The following MAPK14 variants were observed in gnomAD, a reference collection of about 807,000 sequenced individuals.
The protein encoded by MAPK14 is mitogen-activated protein kinase 14.
Under a neutral mutation model 49.6 loss-of-function variants are expected in MAPK14, and 16 were observed. The observed-to-expected ratio is 0.32, with a 90% CI of 0.22 to 0.49. The LOEUF is 0.49. Among genes scored for constraint, MAPK14 ranks in the 20% least tolerant of loss-of-function variants. The probability of loss-of-function intolerance (pLI) is 0.99; values close to 1 mark genes in which losing one functional copy is unlikely to be tolerated. For missense variants in MAPK14, 200 were observed against 441.2 expected, an observed-to-expected ratio of 0.45 and a Z score of 4.90; for synonymous variants, 142 against 158.0, an observed-to-expected ratio of 0.90 and a Z score of 0.76.
intron 1 of MAPK14, among the ~76,000 whole-genome samples, chr6:36,045,272 T>G (rs761639286): frequency 1.1e-3 from 165 of 152,362 alleles, no homozygotes; most frequent in Non-Finnish European, 1.0e-3. Flanking sequence ...TATTATATTC[T>G]TTTAAAGATG....
chr6:36,112,450 A>G (rs1361597016), downstream of MAPK14, among the ~76,000 whole-genome samples: 1 of 152,246 alleles, frequency 6.6e-6, no homozygotes, highest in African/African-American at 2.4e-5. Context: ...AAATGGAACA[A>G]AATGACAAAA....
intron 8 of MAPK14, chr6:36,092,139 G>T (rs1765259776): frequency 1.9e-6 from 1 of 521,528 alleles, no homozygotes; most frequent in South Asian, 1.4e-5. Flanking sequence ...GTAACGAAAT[G>T]ACTTCCACAA....
intron 3 of MAPK14, among the ~76,000 whole-genome samples, chr6:36,070,012 C>CTTATAT (rs1764207374): frequency 6.6e-6 from 1 of 151,876 alleles, no homozygotes; most frequent in African/African-American, 2.4e-5. Flanking sequence ...CTTATATGAC[C>CTTATAT]GAAATTAGAT....
chr6:36,036,868 G>A (rs974520356), intron 1 of MAPK14, among the ~76,000 whole-genome samples: 5 of 152,108 alleles, frequency 3.3e-5, no homozygotes, highest in Non-Finnish European at 1.5e-5. Flanking sequence ...AGCCTCCCGA[G>A]TAGCTGGGAT....
intron 1 of MAPK14, among the ~76,000 whole-genome samples, chr6:36,034,505 A>G (rs74574325): frequency 0.018 from 2,726 of 152,284 alleles, 77 homozygotes; most frequent in African/African-American, 0.061. Context: ...GTTCTTATCT[A>G]AGAGGTATAA....
Position 36,052,821 on chromosome 6 carries a change from A to G in MAPK14, c.239A>G (p.His80Arg). The G allele has an allele frequency of 6.2e-7, 1 of 1,605,230 alleles. No individual in the cohort carries two copies. Among genetic ancestry groups the G allele is most frequent in the South Asian group, 1.1e-5 (1 of 89,110 alleles). Residue 80 changes from histidine (H) to arginine (R), a missense_variant, in exon 2 of 12, where the codon CAT becomes CGT. Transcript: ENST00000229794. ...CTGCGGTTACTTAAACATATGAAAC[A>G]TGAAAATGTAAGTTATTCATTCAAG... ...RELRLLKHMK[H>R]ENVIGLLDVF...
At chr6:36,122,352 C>T in the MAPK14 span, among the ~76,000 whole-genome samples, 1 of 152,226 alleles carries the variant, frequency 6.6e-6, no homozygotes, top group African/African-American at 2.4e-5. Flanking sequence ...TCCATTACTG[C>T]GGTTTGTCAG....
At chr6:36,043,804 C>CTTTTTTTTTTTTT (rs796534477) in intron 1 of MAPK14, among the ~76,000 whole-genome samples, 11 of 90,392 alleles carry the variant, frequency 1.2e-4, no homozygotes, top group East Asian at 3.4e-4. Flanking sequence ...CTTTTTCTTT[C>CTTTTTTTTTTTTT]TTTTTTTTTT....
At chr6:36,072,753 G>A (rs911106206) in intron 3 of MAPK14, 120 bp from the exon 4 acceptor site, 9 of 566,066 alleles carry the variant, frequency 1.6e-5, no homozygotes, top group Middle Eastern at 3.9e-4. Flanking sequence ...AGTAGAGCGA[G>A]ACTCCATTTC....
chr6:36,053,971 A>G (rs1300828222), intron 2 of MAPK14, among the ~76,000 whole-genome samples: 2 of 130,014 alleles, frequency 1.5e-5, no homozygotes, highest in East Asian at 4.6e-4. Flanking sequence ...TCCTGAGTAT[A>G]ATTTTACTTA....
chr6:36,106,903 A>G (rs1765812165), intron 10 of MAPK14, among the ~76,000 whole-genome samples: 1 of 150,656 alleles, frequency 6.6e-6, no homozygotes, highest in African/African-American at 2.5e-5. Context: ...TAAACAGCTT[A>G]GGGGGACAAA....
chr6:36,030,189 G>A lies in MAPK14; in HGVS notation c.116+1916G>A, dbSNP rs182717606. On this transcript the variant is annotated intron_variant, in intron 1 of 11. Transcript: ENST00000229794. Reference sequence around the variant, plus strand: ...CCAATTGAATTGCTTGCAAGGGTTCGCTACTATTGGTGACTAGCTCTGCAC... The same window carrying A: ...CCAATTGAATTGCTTGCAAGGGTTCACTACTATTGGTGACTAGCTCTGCAC... 5.9e-5 allele frequency among the ~76,000 whole-genome samples: 9 copies of A among 152,174 alleles called. No homozygotes were observed. The East Asian group carries it at 1.2e-3, about 20-fold the overall frequency.
intron 1 of MAPK14, among the ~76,000 whole-genome samples, chr6:36,046,317 G>A (rs749180696): frequency 6.6e-6 from 1 of 152,146 alleles, no homozygotes; most frequent in Non-Finnish European, 1.5e-5. Flanking sequence ...TAAACAGTAT[G>A]TCCTGAATTT....
chr6:36,051,118 AT>A (rs111807142), intron 1 of MAPK14, among the ~76,000 whole-genome samples: 9,667 of 142,538 alleles, frequency 0.068, 778 homozygotes, highest in African/African-American at 0.2. Flanking sequence ...TGTTATTACT[AT>A]TTTTTTTTTT....
intron 9 of MAPK14, chr6:36,096,869 T>C (rs1232562860): frequency 6.6e-6 from 1 of 152,270 alleles, no homozygotes; most frequent in Admixed American, 6.5e-5. Context: ...GGTCATTTTC[T>C]TGGGCCAGAG....
intron 2 of MAPK14, among the ~76,000 whole-genome samples, chr6:36,058,834 A>G (rs550416877): frequency 4.7e-5 from 7 of 150,460 alleles, no homozygotes; most frequent in Non-Finnish European, 1.0e-4. Flanking sequence ...GTGAACTGTG[A>G]TGGTGTCACT....
chr6:36,091,988 C>T, intron 8 of MAPK14: 2 of 354,546 alleles, frequency 5.6e-6, no homozygotes, highest in South Asian at 5.0e-5. Context: ...CGTCTTTGGC[C>T]TTAAAATTTC....
rs386358922 is a variant in MAPK14, at chr6:36,065,507, GGTGTGTGTGTGTGTGTGT to G, written c.305+6183_305+6200del. 4.1e-5 allele frequency among the ~76,000 whole-genome samples: 5 copies of G among 122,544 alleles called. No individual in the cohort carries two copies. In the East Asian group the frequency reaches 1.1e-3, roughly 28 times the overall value. The allele number at this position is 122,544 out of a possible 152,430, so 80.4% of individuals were successfully genotyped here. A position where few individuals can be genotyped will look rare whatever the true frequency, so the allele number is the denominator to read the frequency against. ...GAGAGAGGGAGCTGAGGGCAGAAAA[GGTGTGTGTGTGTGTGTGT>G]GTGTGTGTGTGTGTGTGTGTGTTTG... On this transcript the variant is annotated intron_variant, in intron 3 of 11. Transcript: ENST00000229794.
chr6:36,031,787 C>G (rs851024), intron 1 of MAPK14, among the ~76,000 whole-genome samples: 63,923 of 151,936 alleles, frequency 0.42, 15,052 homozygotes, highest in South Asian at 0.62. Flanking sequence ...GGAATTTGGA[C>G]TCAAGTCTGA....
Sources: gnomAD v4.1 joint callset for allele counts (sites outside exome capture counted in the v4.1 genomes callset) on GRCh38, gnomAD v4.1.1 for gene constraint, MANE v1.5 for transcripts, NCBI Gene and HGNC (gene_info 2026-07-23, HGNC 2026-07-21) for gene names.